FAM184B: variants seen among roughly 807,000 people sequenced by gnomAD.
The protein encoded by FAM184B is family with sequence similarity 184 member B.
A neutral mutation model predicts 135.9 loss-of-function variants in FAM184B; 111 were observed. The ratio of observed to expected loss-of-function variants is 0.82; its 90% confidence interval spans 0.70 to 0.96. FAM184B has a LOEUF of 0.96. Among genes scored for constraint, FAM184B ranks in the 40% least tolerant of loss-of-function variants. The probability of loss-of-function intolerance (pLI) is 0.00; values close to 1 mark genes in which losing one functional copy is unlikely to be tolerated. For missense variants in FAM184B, 1,375 were observed against 1,323.9 expected (o/e 1.04, Z -0.60); for synonymous variants, 552 against 524.8 (o/e 1.05, Z -0.71).
chr4:17,757,105 G>A (rs1435691130), intron 1 of FAM184B, among the ~76,000 whole-genome samples: 1 of 152,106 alleles, frequency 6.6e-6, no homozygotes, highest in Non-Finnish European at 1.5e-5. Context: ...CAAAAACATT[G>A]AACCTGAATC....
intron 1 of FAM184B, among the ~76,000 whole-genome samples, chr4:17,721,699 G>A (rs116106413): frequency 0.048 from 7,290 of 152,242 alleles, 248 homozygotes; most frequent in Non-Finnish European, 0.072. Flanking sequence ...CCATGTTAGC[G>A]AGTGCTGACT....
chr4:17,661,141 G>A (rs1293082566), intron 8 of FAM184B, among the ~76,000 whole-genome samples: 1 of 152,186 alleles, frequency 6.6e-6, no homozygotes, highest in South Asian at 2.1e-4. Flanking sequence ...TGAGATCTTG[G>A]CCTGATCTTC....
intron 1 of FAM184B, among the ~76,000 whole-genome samples, chr4:17,732,461 G>C (rs7377598): frequency 0.69 from 104,318 of 151,938 alleles, 36,117 homozygotes; most frequent in East Asian, 0.82. Context: ...AAGAAGAAAA[G>C]AGAGAAGAAT....
chr4:17,780,537 C>A (rs965289292), intron 1 of FAM184B, among the ~76,000 whole-genome samples: 1 of 152,094 alleles, frequency 6.6e-6, no homozygotes, highest in South Asian at 2.1e-4. Flanking sequence ...AAGGTTCAAT[C>A]AGAGCCCCCT....
At chr4:17,674,642 A>G (rs1234699672) in intron 7 of FAM184B, among the ~76,000 whole-genome samples, 1 of 152,216 alleles carries the variant, frequency 6.6e-6, no homozygotes, top group African/African-American at 2.4e-5. Flanking sequence ...TTTTGCTCAC[A>G]GTAGAACGTC....
At chr4:17,737,589 C>T (rs1717940818) in intron 1 of FAM184B, among the ~76,000 whole-genome samples, 1 of 152,154 alleles carries the variant, frequency 6.6e-6, no homozygotes, top group Non-Finnish European at 1.5e-5. Context: ...TCACCAGGAT[C>T]ACCTTCCTCA....
intron 5 of FAM184B, 93 bp from the exon 6 acceptor site, chr4:17,693,505 G>C: frequency 1.1e-6 from 1 of 941,996 alleles, no homozygotes; most frequent in Non-Finnish European, 1.6e-6. Flanking sequence ...GATCAAAGAA[G>C]CTTATGAGTG....
In FAM184B at chr4:17,709,271, G is replaced by T; in HGVS notation, c.515C>A (p.Pro172Gln). 6.5e-7 allele frequency: 1 copy of T among 1,548,148 alleles called. No homozygotes were observed. Among genetic ancestry groups the T allele is most frequent in the Non-Finnish European group, 8.7e-7 (1 of 1,145,188 alleles). The change falls in exon 2 of 18, where the codon CCG becomes CAG. Residue 172 changes from proline (P) to glutamine (Q), a missense_variant. By Grantham distance (76) the Pro-to-Gln change is moderately conservative. Coordinates refer to ENST00000265018, the MANE Select transcript of FAM184B (RefSeq NM_015688.2). ...GCTCTCCTGGGGCAGCCGGCCCTGC[G>T]GGGTAGCCTCGTGGCTCGTCAGGTG... The part of the protein sequence containing the change: ...LQHLTSHEAT[P>Q]QGRLPQESPE...
At position 17,688,519 on chromosome 4, in the gene FAM184B, C is replaced by T. The variant is rs1359095713; in HGVS notation, c.1501G>A (p.Glu501Lys). Residue 501 changes from glutamate to lysine, a missense_variant, in exon 7 of 18, where the codon GAA (glutamate) becomes AAA (lysine). By Grantham distance (56) the Glu-to-Lys change is moderately conservative. Transcript: ENST00000265018. ...GTCTTATTTTGTTGGATAAATTCTT[C>T]CAGCCTTAAAACCTAAAACAGGAGA... is the stretch of plus-strand genomic sequence containing the variant. ...QNSLLEVLRL[E>K]EFIQQNKTRP... is the part of the protein sequence containing the mutation. The T allele has an allele frequency of 6.5e-7, 1 of 1,549,778 alleles. No individual in the cohort carries two copies. The highest frequency in any genetic ancestry group is 1.2e-5 in the South Asian group (1 of 83,626).
intron 7 of FAM184B, among the ~76,000 whole-genome samples, chr4:17,687,525 T>C (rs575751083): frequency 6.6e-6 from 1 of 152,280 alleles, no homozygotes; most frequent in East Asian, 1.9e-4. Flanking sequence ...CCTGTACCTA[T>C]GAATGTGATC....
intron 1 of FAM184B, among the ~76,000 whole-genome samples, chr4:17,714,941 G>A (rs1717374777): frequency 6.6e-6 from 1 of 152,110 alleles, no homozygotes; most frequent in African/African-American, 2.4e-5. Context: ...TGCCTGAACT[G>A]TTCTGTCAGG....
At chr4:17,666,486 T>TTTTTC (rs1227267871) in intron 7 of FAM184B, among the ~76,000 whole-genome samples, 3 of 138,816 alleles carry the variant, frequency 2.2e-5, no homozygotes, top group Non-Finnish European at 3.1e-5. Context: ...TTTTTTTTTT[T>TTTTTC]TTTTTTTTGG....
chr4:17,755,759 G>A (rs1193949955), intron 1 of FAM184B, among the ~76,000 whole-genome samples: 1 of 152,152 alleles, frequency 6.6e-6, no homozygotes, highest in Non-Finnish European at 1.5e-5. Context: ...TCCTTTGCAG[G>A]GACATGGATG....
intron 1 of FAM184B, among the ~76,000 whole-genome samples, chr4:17,743,545 G>A (rs1718092167): frequency 6.6e-6 from 1 of 152,140 alleles, no homozygotes; most frequent in Admixed American, 6.5e-5. Context: ...CTTCACTCCT[G>A]CGGTGATCTT....
rs552767224 is a variant in FAM184B, at chr4:17,742,937, G to A, written c.142-33293C>T. ...CACTTGACCATCCCTGGACAGCAGA[G>A]CTGAAAAAGCATTGGTTATACATGC... On this transcript the variant is annotated intron_variant, in intron 1 of 17. Coordinates refer to ENST00000265018, the MANE Select transcript of FAM184B (RefSeq NM_015688.2). 1.2e-3 allele frequency among the ~76,000 whole-genome samples: 186 copies of A among 152,348 alleles called. 1 individual carries two copies. Among genetic ancestry groups the A allele is most frequent in the African/African-American group, 3.4e-3 (142 of 41,580 alleles).
intron 10 of FAM184B, among the ~76,000 whole-genome samples, chr4:17,653,493 G>C (rs74902219): frequency 0.015 from 2,314 of 152,178 alleles, 68 homozygotes; most frequent in African/African-American, 0.053. Flanking sequence ...TTGGTCCTGA[G>C]AACTGTCTGT....
chr4:17,717,981 T>C (rs977413763), intron 1 of FAM184B, among the ~76,000 whole-genome samples: 4 of 152,192 alleles, frequency 2.6e-5, no homozygotes, highest in Non-Finnish European at 4.4e-5. Context: ...ACAAAGTGAA[T>C]GTTTTTATGC....
intron 1 of FAM184B, among the ~76,000 whole-genome samples, chr4:17,730,880 A>G (rs1717759596): frequency 6.6e-6 from 1 of 152,270 alleles, no homozygotes. Flanking sequence ...ACCAACGCAG[A>G]GAAGTCCTTA....
intron 6 of FAM184B, among the ~76,000 whole-genome samples, chr4:17,690,732 T>A (rs927784845): frequency 6.6e-6 from 1 of 152,176 alleles, no homozygotes; most frequent in Non-Finnish European, 1.5e-5. Flanking sequence ...TTATGTAACA[T>A]CTACAAGTGG....
Sources: gnomAD v4.1 joint callset for allele counts (sites outside exome capture counted in the v4.1 genomes callset) on GRCh38, gnomAD v4.1.1 for gene constraint, MANE v1.5 for transcripts, NCBI Gene and HGNC (gene_info 2026-07-23, HGNC 2026-07-21) for gene names.